MCF2: variants seen among roughly 807,000 people sequenced by gnomAD.
MCF2 encodes the protein proto-oncogene DBL.
Under a neutral mutation model 82.5 loss-of-function variants are expected in MCF2, and 44 were observed. The ratio of observed to expected loss-of-function variants is 0.53; its 90% CI spans 0.42 to 0.69. The LOEUF is 0.69. Ranked by LOEUF, MCF2 falls within the 30% of genes least tolerant of loss-of-function variation. MCF2 has a pLI of 0.00. For missense variants in MCF2, 623 were observed against 663.1 expected (o/e 0.94, Z 0.66); for synonymous variants, 217 against 224.9 (o/e 0.96, Z 0.32).
chrX:139,668,416 G>A (rs4824856), intron 1 of MCF2, among the ~76,000 whole-genome samples: 19,275 of 110,747 alleles, frequency 0.17, 1,265 homozygotes, highest in South Asian at 0.28. Context: ...TCCATCTCAC[G>A]GTCTCCTGGT....
At position 139,638,083 on chromosome X, in the gene MCF2, A is replaced by T. The variant is rs1001882377; in HGVS notation, c.51+4385T>A. 5.4e-5 allele frequency among the ~76,000 whole-genome samples: 6 copies of T among 111,892 alleles called. No homozygotes were observed. The Admixed American group carries it at 5.7e-4, about 11-fold the overall frequency. ...TAATCTTGGACTTCTGACCTCCAGA[A>T]CCGTAATGATACATTTTCACTGTTT... is the stretch of plus-strand genomic sequence containing the variant. On this transcript the variant is annotated intron_variant, in intron 1 of 24. Transcript: ENST00000370576.
At chrX:139,584,128 CT>C (rs1163854425) in intron 24 of MCF2, among the ~76,000 whole-genome samples, 1,590 of 72,606 alleles carry the variant, frequency 0.022, 34 homozygotes, top group African/African-American at 0.068. Flanking sequence ...TGCCATTATC[CT>C]TTTTTTTTTT....
chrX:139,649,583 A>G (rs1479143636), intron 2 of MCF2, among the ~76,000 whole-genome samples: 5 of 111,941 alleles, frequency 4.5e-5, no homozygotes, highest in African/African-American at 1.3e-4. Flanking sequence ...GTAAATTATC[A>G]TTGACTAATC....
At chrX:139,654,076 G>C (rs1256110425) in intron 1 of MCF2, among the ~76,000 whole-genome samples, 1 of 111,530 alleles carries the variant, frequency 9.0e-6, no homozygotes, top group Non-Finnish European at 1.9e-5. Context: ...CCATATTTTG[G>C]CTATTGTAAA....
intron 1 of MCF2, among the ~76,000 whole-genome samples, chrX:139,689,479 C>T (rs763927833): frequency 5.4e-5 from 6 of 110,536 alleles, no homozygotes; most frequent in African/African-American, 2.0e-4. Flanking sequence ...CAGTGGCTTC[C>T]GATTGCTCTG....
exon 6 of MCF2, chrX:139,626,290 T>C: frequency 8.5e-7 from 1 of 1,170,918 alleles, no homozygotes; most frequent in Non-Finnish European, 1.2e-6. Context: ...TTCCATATCA[T>C]GTACTTGAGT....
intron 1 of MCF2, among the ~76,000 whole-genome samples, chrX:139,684,965 GT>G (rs769163049): frequency 1.3e-4 from 14 of 111,518 alleles, no homozygotes; most frequent in Middle Eastern, 9.3e-3. Context: ...CTTTAAGTAG[GT>G]TAATTGTATG....
intron 12 of MCF2, among the ~76,000 whole-genome samples, chrX:139,606,670 T>C (rs995205048): frequency 1.8e-5 from 2 of 112,144 alleles, no homozygotes; most frequent in Non-Finnish European, 3.8e-5. Flanking sequence ...GTTTCTGTAA[T>C]AATTTTGTTT....
At chrX:139,590,085 C>T (rs112415183) in intron 19 of MCF2, among the ~76,000 whole-genome samples, 158 bp from the exon 24 acceptor site, 2,780 of 111,398 alleles carry the variant, frequency 0.025, 40 homozygotes, top group East Asian at 0.082. Context: ...CAATCATAGA[C>T]GAGAGTATTT....
intron 17 of MCF2, among the ~76,000 whole-genome samples, chrX:139,598,136 T>C (rs57661421): frequency 0.016 from 1,827 of 111,883 alleles, 33 homozygotes; most frequent in African/African-American, 0.056. Context: ...TTTAAAGTTC[T>C]TCAGTAAAAC....
At chrX:139,692,333 G>A (rs769741651) in intron 1 of MCF2, among the ~76,000 whole-genome samples, 1 of 111,321 alleles carries the variant, frequency 9.0e-6, no homozygotes, top group Non-Finnish European at 1.9e-5. Flanking sequence ...CCAGTCCTCC[G>A]GAGCCCCCCT....
intron 1 of MCF2, among the ~76,000 whole-genome samples, chrX:139,705,295 G>C (rs999689927): frequency 8.9e-6 from 1 of 112,116 alleles, no homozygotes; most frequent in Non-Finnish European, 1.9e-5. Context: ...CTAGGCGACA[G>C]AGTGAGACTC....
intron 1 of MCF2, among the ~76,000 whole-genome samples, chrX:139,683,443 C>T: frequency 8.9e-6 from 1 of 112,476 alleles, no homozygotes; most frequent in Non-Finnish European, 1.9e-5. Flanking sequence ...CCATCCCTAG[C>T]AACATCCCAG....
exon 25 of MCF2, chrX:139,582,121 TA>T: frequency 3.9e-6 from 1 of 258,541 alleles, no homozygotes; most frequent in Non-Finnish European, 6.9e-6. Flanking sequence ...TTTGCAGCCG[TA>T]ATTTTGACTT....
intron 1 of MCF2, chrX:139,642,435 C>A (rs771522709): frequency 4.1e-6 from 5 of 1,211,098 alleles, no homozygotes; most frequent in Non-Finnish European, 5.6e-6. Context: ...AACTTGGGAA[C>A]AGGCTTTCCA....
chrX:139,681,256 G>A (rs1011692810), intron 1 of MCF2, among the ~76,000 whole-genome samples: 1 of 112,371 alleles, frequency 8.9e-6, no homozygotes, highest in African/African-American at 3.2e-5. Context: ...GATGACCAGA[G>A]AACTCTCAGT....
chrX:139,656,125 G>A (rs760893286), intron 1 of MCF2, among the ~76,000 whole-genome samples: 102 of 111,991 alleles, frequency 9.1e-4, no homozygotes, highest in African/African-American at 3.1e-3. Flanking sequence ...GCAGTGGCGC[G>A]ATCTCGGCTC....
chrX:139,601,971 CAT>C (rs1349386394), intron 16 of MCF2, among the ~76,000 whole-genome samples: 1 of 111,454 alleles, frequency 9.0e-6, no homozygotes, highest in South Asian at 3.7e-4. Context: ...TATTATACCA[CAT>C]GATTCATCTG....
At chrX:139,599,361 TA>T (rs1930356813) in intron 16 of MCF2, among the ~76,000 whole-genome samples, 1 of 109,186 alleles carries the variant, frequency 9.2e-6, no homozygotes, top group Non-Finnish European at 1.9e-5. Context: ...GTTATTTTAC[TA>T]GGCAAAATCA....
Sources: gnomAD v4.1 joint callset for allele counts (sites outside exome capture counted in the v4.1 genomes callset) on GRCh38, gnomAD v4.1.1 for gene constraint, MANE v1.5 for transcripts, NCBI Gene and HGNC (gene_info 2026-07-23, HGNC 2026-07-21) for gene names.